The following TRAIP variants were observed in gnomAD, a reference collection of about 807,000 sequenced individuals.
The protein encoded by TRAIP is E3 ubiquitin-protein ligase TRAIP.
TRAIP carries 37 observed loss-of-function variants against 65.0 expected under a neutral mutation model. The ratio of observed to expected loss-of-function variants is 0.57; its 90% CI spans 0.44 to 0.75. The LOEUF (loss-of-function observed/expected upper bound fraction) is 0.75. Ranked by LOEUF, TRAIP falls within the 30% of genes least tolerant of loss-of-function variation. TRAIP has a pLI of 0.00. For synonymous variants in TRAIP, 187 were observed against 219.1 expected (o/e 0.85, Z 1.29); for missense variants, 481 against 579.4 (o/e 0.83, Z 1.74).
chr3:49,830,990 AG>A (rs1053336909), intron 11 of TRAIP, among the ~76,000 whole-genome samples: 4 of 152,242 alleles, frequency 2.6e-5, no homozygotes, highest in African/African-American at 9.6e-5. Flanking sequence ...TGAAGACCCC[AG>A]GTGTCCACCT....
chr3:49,854,293 C>T (rs2081954832), intron 1 of TRAIP, among the ~76,000 whole-genome samples: 1 of 152,138 alleles, frequency 6.6e-6, no homozygotes, highest in Non-Finnish European at 1.5e-5. Context: ...CCACTGCAGA[C>T]CAGCTTGGGC....
Position 49,829,641 on chromosome 3 carries a change from T to C in TRAIP, c.1212A>G (p.Ser404=), listed in dbSNP as rs755703692. 4 of 1,614,060 alleles carry C rather than the reference T, an allele frequency of 2.5e-6. No homozygotes were observed. The highest frequency in any genetic ancestry group is 1.6e-4 in the Middle Eastern group (1 of 6,084). ...LGQKQPKRPR[S]ESSCSKDVVR... Reference sequence around the variant, plus strand: ...CCACATCTTTGCTGCAAGAGGACTCTGACCTGGGCCTCTTGGGCTGTTTCT... The same window carrying C: ...CCACATCTTTGCTGCAAGAGGACTCCGACCTGGGCCTCTTGGGCTGTTTCT... The change falls in exon 13 of 15, where the codon TCA becomes TCG. Residue 404 remains serine (S), a synonymous_variant. Transcript: ENST00000331456.
chr3:49,838,037 A>G (rs993460644), intron 10 of TRAIP, among the ~76,000 whole-genome samples: 1 of 151,926 alleles, frequency 6.6e-6, no homozygotes, highest in Non-Finnish European at 1.5e-5. Flanking sequence ...TGCTTGGCTA[A>G]GTTTTAAGTT....
chr3:49,832,492 GAAA>G (rs11450803), intron 10 of TRAIP, among the ~76,000 whole-genome samples: 1 of 128,576 alleles, frequency 7.8e-6, no homozygotes, highest in Admixed American at 8.3e-5. Flanking sequence ...TCCGTCTCAG[GAAA>G]AAAAAAAAAA....
intron 1 of TRAIP, among the ~76,000 whole-genome samples, chr3:49,854,537 G>A (rs941291356): frequency 3.9e-5 from 6 of 151,974 alleles, no homozygotes; most frequent in African/African-American, 1.2e-4. Flanking sequence ...GGTATATAAC[G>A]ACCCAACTAA....
At chr3:49,834,848 A>C (rs974020519) in intron 10 of TRAIP, among the ~76,000 whole-genome samples, 1 of 152,208 alleles carries the variant, frequency 6.6e-6, no homozygotes, top group African/African-American at 2.4e-5. Context: ...ATAAAACAAG[A>C]ACATGATGCT....
intron 1 of TRAIP, among the ~76,000 whole-genome samples, chr3:49,849,327 TAA>T (rs1210400269): frequency 7.1e-6 from 1 of 141,380 alleles, no homozygotes; most frequent in Middle Eastern, 3.6e-3. Context: ...TTTTTTTAAT[TAA>T]AAAAAAAAAA....
At chr3:49,855,683 A>T (rs184094847) in intron 1 of TRAIP, among the ~76,000 whole-genome samples, 192 of 152,264 alleles carry the variant, frequency 1.3e-3, no homozygotes, top group Non-Finnish European at 2.2e-3. Flanking sequence ...TAGGGCCTTT[A>T]GCCCCACAAG....
intron 10 of TRAIP, among the ~76,000 whole-genome samples, chr3:49,835,981 T>C (rs2081783395): frequency 2.0e-5 from 3 of 151,722 alleles, no homozygotes. Context: ...GTTTTTGTTT[T>C]TGCGACAGTC....
At chr3:49,830,186 A>C in intron 11 of TRAIP, 118 bp from the exon 12 acceptor site, 1 of 1,175,212 alleles carries the variant, frequency 8.5e-7, no homozygotes, top group South Asian at 1.3e-5. Context: ...CCATGCCTGC[A>C]TTCTGGGCAA....
intron 11 of TRAIP, among the ~76,000 whole-genome samples, chr3:49,831,088 G>A (rs751543754): frequency 6.6e-6 from 1 of 152,138 alleles, no homozygotes; most frequent in East Asian, 1.9e-4. Context: ...TACAGCCCAC[G>A]GGTCCTAGGT....
At chr3:49,840,187 G>A (rs2081826991) in intron 9 of TRAIP, 97 bp downstream of exon 9, 2 of 1,146,304 alleles carry the variant, frequency 1.7e-6, no homozygotes, top group Middle Eastern at 2.0e-4. Context: ...AACCACCACT[G>A]ACTGGTGCAA....
rs1443734015 is a variant in TRAIP, at chr3:49,856,509, C to T, written c.-56G>A. ...AAAGAAACTGCTACAGGTCCGGCTT[C>T]GTAGACGCGCCCCCGCGCCTCCGCT... On this transcript the variant is annotated 5_prime_UTR_variant, in exon 1 of 15. Coordinates refer to ENST00000331456, the MANE Select transcript of TRAIP (RefSeq NM_005879.3). 6.6e-7 allele frequency: 1 copy of T among 1,510,202 alleles called. No homozygotes were observed. Among genetic ancestry groups the T allele is most frequent in the African/African-American group, 1.4e-5 (1 of 71,906 alleles). The allele number at this position is 1,510,202 out of a possible 1,614,324, so 93.6% of individuals were successfully genotyped here. A position where few individuals can be genotyped will look rare whatever the true frequency, so the allele number is the denominator to read the frequency against.
chr3:49,840,786 G>A (rs2081832519), intron 8 of TRAIP, among the ~76,000 whole-genome samples, 199 bp downstream of exon 8: 1 of 152,176 alleles, frequency 6.6e-6, no homozygotes, highest in Non-Finnish European at 1.5e-5. Flanking sequence ...ATACCTCTGT[G>A]ATCTGTCCAC....
chr3:49,831,320 C>T (rs1222610149), intron 11 of TRAIP, among the ~76,000 whole-genome samples: 1 of 152,240 alleles, frequency 6.6e-6, no homozygotes, highest in African/African-American at 2.4e-5. Flanking sequence ...TGAACAGTAC[C>T]TGTATGAATG....
intron 8 of TRAIP, chr3:49,840,656 T>C (rs1365804796): frequency 1.1e-5 from 6 of 557,776 alleles, no homozygotes; most frequent in African/African-American, 1.9e-5. Context: ...CTACTCCAGA[T>C]GTGGTACAAA....
chr3:49,847,377 G>C (rs1189016391), intron 3 of TRAIP, 148 bp downstream of exon 3: 6 of 601,550 alleles, frequency 1.0e-5, no homozygotes, highest in Non-Finnish European at 1.7e-5. Flanking sequence ...GTAAGACCCT[G>C]TCTCTAAAAA....
At chr3:49,845,058 G>C (rs2081870699) in intron 3 of TRAIP, among the ~76,000 whole-genome samples, 1 of 152,214 alleles carries the variant, frequency 6.6e-6, no homozygotes, top group African/African-American at 2.4e-5. Context: ...TCCAAGCTCT[G>C]AACTGGCTCT....
Position 49,839,803 on chromosome 3 carries a change from T to A in TRAIP, c.853A>T (p.Ser285Cys). 1.9e-6 allele frequency: 3 copies of A among 1,614,254 alleles called. No homozygotes were observed. The highest frequency in any genetic ancestry group is 2.2e-5 in the South Asian group (2 of 91,084). Residue 285 changes from serine to cysteine, a missense_variant, in exon 10 of 15, where the codon AGT (serine) becomes TGT (cysteine). By Grantham distance (112) the Ser-to-Cys change is moderately radical. Coordinates refer to ENST00000331456, the MANE Select transcript of TRAIP (RefSeq NM_005879.3). ...QETLNLPPVASETVDRLVLES... is the reference protein window; with the variant it reads ...QETLNLPPVACETVDRLVLES... ...AAAACCAGGCGGTCGACAGTCTCACTGGCCACTGGTGGCAGGTTCAAGGTT... is the reference window on the plus strand; with the variant it reads ...AAAACCAGGCGGTCGACAGTCTCACAGGCCACTGGTGGCAGGTTCAAGGTT...
Sources: allele counts gnomAD v4.1 joint callset (sites outside exome capture counted in the v4.1 genomes callset), GRCh38; gene constraint gnomAD v4.1.1; transcripts MANE v1.5; gene names NCBI Gene and HGNC (gene_info 2026-07-23, HGNC 2026-07-21).